NIM1K: variants seen among roughly 807,000 people sequenced by gnomAD.
The protein encoded by NIM1K is serine/threonine-protein kinase NIM1.
Under a neutral mutation model 37.1 loss-of-function variants are expected in NIM1K, and 35 were observed. The observed-to-expected ratio is 0.94, with a 90% CI of 0.72 to 1.25. NIM1K has a LOEUF of 1.25. NIM1K is among the 50% of genes most tolerant of loss of function. NIM1K has a pLI of 0.00. For missense variants in NIM1K, 564 were observed against 548.0 expected, an observed-to-expected ratio of 1.03 and a Z score of -0.29; for synonymous variants, 234 against 206.6, an observed-to-expected ratio of 1.13 and a Z score of -1.14.
At chr5:43,207,715 G>T in intron 1 of NIM1K, 1 of 495,220 alleles carries the variant, frequency 2.0e-6, no homozygotes. Flanking sequence ...GCTCTATGAA[G>T]AATTGTTCTG....
chr5:43,228,400 C>G (rs1438178079), intron 1 of NIM1K, among the ~76,000 whole-genome samples: 2 of 152,126 alleles, frequency 1.3e-5, no homozygotes, highest in East Asian at 3.9e-4. Context: ...CCCACCTCAG[C>G]CTCCCAAAGT....
In NIM1K at chr5:43,194,308, G is replaced by A. The variant is rs367989252; in HGVS notation, c.-695+1897G>A. Among the ~76,000 whole-genome samples the A allele has an allele frequency of 2.3e-4, 35 of 152,288 alleles. 1 individual carries two copies. The South Asian group carries it at 6.4e-3, about 28-fold the overall frequency. On this transcript the variant is annotated intron_variant, in intron 1 of 3. Transcript: ENST00000326035. ...GAAAAAGCTGAATCCAACTCCCCAT[G>A]GACTGGTGTTTGGTGTGCCATTGAA...
intron 2 of NIM1K, among the ~76,000 whole-genome samples, chr5:43,268,269 G>C (rs1753199936): frequency 6.6e-6 from 1 of 152,224 alleles, no homozygotes; most frequent in Non-Finnish European, 1.5e-5. Flanking sequence ...TTGTGGTGAA[G>C]AAAGTGTTTA....
chr5:43,199,238 T>C (rs1220061797), intron 1 of NIM1K, among the ~76,000 whole-genome samples: 1 of 103,618 alleles, frequency 9.7e-6, no homozygotes, highest in Non-Finnish European at 1.9e-5. Context: ...TATATATATA[T>C]GAAAAATGTA....
intron 1 of NIM1K, among the ~76,000 whole-genome samples, chr5:43,209,180 C>G (rs907534386): frequency 3.3e-5 from 5 of 152,138 alleles, no homozygotes; most frequent in African/African-American, 7.2e-5. Flanking sequence ...AAGGGAAAAC[C>G]ATAATCAGGT....
At chr5:43,271,500 A>G (rs1040479552) in intron 2 of NIM1K, among the ~76,000 whole-genome samples, 3 of 152,196 alleles carry the variant, frequency 2.0e-5, no homozygotes, top group Non-Finnish European at 4.4e-5. Context: ...ATACGTATAC[A>G]TATATTAGAG....
At chr5:43,213,946 T>TTTCG (rs1752259004) in intron 1 of NIM1K, among the ~76,000 whole-genome samples, 1 of 151,042 alleles carries the variant, frequency 6.6e-6, no homozygotes, top group African/African-American at 2.4e-5. Context: ...TCTTTCTTTC[T>TTTCG]TTCTTTTTTC....
At chr5:43,275,639 A>G (rs1226157787) in intron 2 of NIM1K, among the ~76,000 whole-genome samples, 2 of 152,124 alleles carry the variant, frequency 1.3e-5, no homozygotes, top group African/African-American at 2.4e-5. Flanking sequence ...GTGAAATAAA[A>G]CAGTTCATGT....
At chr5:43,251,515 T>TAC (rs1752866226) in intron 2 of NIM1K, among the ~76,000 whole-genome samples, 1 of 152,220 alleles carries the variant, frequency 6.6e-6, no homozygotes, top group African/African-American at 2.4e-5. Context: ...TCCCAAGGTT[T>TAC]AGAACCTGTT....
At chr5:43,239,542 T>C (rs955476880) in intron 1 of NIM1K, among the ~76,000 whole-genome samples, 1 of 151,752 alleles carries the variant, frequency 6.6e-6, no homozygotes, top group African/African-American at 2.4e-5. Flanking sequence ...CTGCTTTTTT[T>C]TGAGATGGAA....
intron 1 of NIM1K, among the ~76,000 whole-genome samples, chr5:43,198,187 CTTTCTT>C (rs1240127771): frequency 1.2e-4 from 8 of 65,594 alleles, no homozygotes; most frequent in African/African-American, 4.8e-4. Context: ...TTCTTTCTTT[CTTTCTT>C]TCTTTCTTTC....
intron 2 of NIM1K, among the ~76,000 whole-genome samples, chr5:43,269,534 T>C (rs1753223048): frequency 1.3e-5 from 2 of 152,266 alleles, no homozygotes; most frequent in South Asian, 4.1e-4. Flanking sequence ...AATATTAACA[T>C]TGAGATGTAA....
intron 1 of NIM1K, among the ~76,000 whole-genome samples, chr5:43,234,738 G>A (rs535386743): frequency 2.6e-5 from 4 of 152,148 alleles, no homozygotes; most frequent in African/African-American, 4.8e-5. Flanking sequence ...GGGTTCAAAC[G>A]ATTCTCCTGC....
intron 1 of NIM1K, among the ~76,000 whole-genome samples, chr5:43,222,079 G>T (rs577769241): frequency 1.5e-4 from 23 of 152,292 alleles, no homozygotes; most frequent in Admixed American, 6.5e-5. Flanking sequence ...GGCTCACTCA[G>T]TGTCTATTAT....
chr5:43,267,768 C>G (rs1027720718), intron 2 of NIM1K, among the ~76,000 whole-genome samples: 1 of 151,952 alleles, frequency 6.6e-6, no homozygotes. Flanking sequence ...TTGAGAATTC[C>G]TTTTGGAGTT....
chr5:43,218,071 G>A (rs538814739), intron 1 of NIM1K, among the ~76,000 whole-genome samples: 129 of 151,388 alleles, frequency 8.5e-4, no homozygotes, highest in African/African-American at 3.0e-3. Flanking sequence ...GAGTGCAGTG[G>A]CTCCATCTGA....
At chr5:43,228,605 G>A (rs944933122) in intron 1 of NIM1K, among the ~76,000 whole-genome samples, 5 of 151,268 alleles carry the variant, frequency 3.3e-5, no homozygotes, top group East Asian at 2.0e-4. Flanking sequence ...CAGGCAGATC[G>A]CTTGAACCCA....
intron 1 of NIM1K, among the ~76,000 whole-genome samples, chr5:43,211,712 GC>G (rs1752207841): frequency 6.6e-6 from 1 of 152,182 alleles, no homozygotes; most frequent in Non-Finnish European, 1.5e-5. Flanking sequence ...ATCTTGAGGA[GC>G]TTTCTAGACC....
chr5:43,206,693 A>G (rs1055765697), intron 1 of NIM1K: 1 of 696,040 alleles, frequency 1.4e-6, no homozygotes, highest in African/African-American at 1.8e-5. Flanking sequence ...CAGGTATGGC[A>G]CAGGGCCTCG....
Sources: gnomAD v4.1 joint callset for allele counts (sites outside exome capture counted in the v4.1 genomes callset) on GRCh38, gnomAD v4.1.1 for gene constraint, MANE v1.5 for transcripts, NCBI Gene and HGNC (gene_info 2026-07-23, HGNC 2026-07-21) for gene names.